The following RBFOX1 variants were observed in gnomAD, a reference collection of about 807,000 sequenced individuals.
The protein encoded by RBFOX1 is RNA binding fox-1 homolog 1, also known as RNA binding protein fox-1 homolog 1.
In RBFOX1, 8 loss-of-function variants were observed where a neutral mutation model predicts 57.7. The observed-to-expected ratio is 0.14, with a 90% CI of 0.08 to 0.25. RBFOX1 has a LOEUF of 0.25. Ranked by LOEUF, RBFOX1 falls within the 10% of genes least tolerant of loss-of-function variation. RBFOX1 has a pLI of 1.00. For missense variants in RBFOX1, 611 were observed against 548.5 expected, an observed-to-expected ratio of 1.11 and a Z score of -1.14; for synonymous variants, 326 against 222.4, an observed-to-expected ratio of 1.47 and a Z score of -4.15.
At chr16:5,989,271 C>T (rs561799870) in intron 4 of RBFOX1, among the ~76,000 whole-genome samples, 2 of 151,904 alleles carry the variant, frequency 1.3e-5, no homozygotes, top group African/African-American at 2.4e-5. Context: ...GCGGAGTTTA[C>T]AGTGAGCCGA....
chr16:7,645,878 T>C (rs1373460338), intron 11 of RBFOX1, among the ~76,000 whole-genome samples: 1 of 152,024 alleles, frequency 6.6e-6, no homozygotes, highest in Non-Finnish European at 1.5e-5. Flanking sequence ...ATTCGACAAA[T>C]TAAGTGGCCG....
intron 3 of RBFOX1, among the ~76,000 whole-genome samples, chr16:5,667,982 G>T (rs548456806): frequency 3.9e-5 from 6 of 152,086 alleles, no homozygotes; most frequent in African/African-American, 1.4e-4. Context: ...GCTTCTTAAT[G>T]AGGCATTTCT....
chr16:7,257,510 T>G (rs1342527600), intron 4 of RBFOX1, among the ~76,000 whole-genome samples: 1 of 152,204 alleles, frequency 6.6e-6, no homozygotes, highest in Non-Finnish European at 1.5e-5. Flanking sequence ...ACCTGCTTAA[T>G]GAGCCGGTAG....
At chr16:7,294,780 G>A (rs1042494602) in intron 4 of RBFOX1, among the ~76,000 whole-genome samples, 3 of 147,908 alleles carry the variant, frequency 2.0e-5, no homozygotes, top group Non-Finnish European at 4.4e-5. Context: ...TGAATATGAT[G>A]ATGATGATGA....
intron 4 of RBFOX1, among the ~76,000 whole-genome samples, chr16:7,454,899 C>T (rs1291300488): frequency 6.6e-6 from 1 of 152,204 alleles, no homozygotes; most frequent in Admixed American, 6.5e-5. Flanking sequence ...TCACAGTTTG[C>T]TCCTCACACT....
chr16:6,486,767 TTTTTG>T (rs1475390262), intron 2 of RBFOX1, among the ~76,000 whole-genome samples: 5 of 152,292 alleles, frequency 3.3e-5, no homozygotes, highest in African/African-American at 9.6e-5. Flanking sequence ...GTTTTTGCTC[TTTTTG>T]TTTTCTTTCA....
At chr16:7,368,016 C>T (rs2097492546) in intron 4 of RBFOX1, among the ~76,000 whole-genome samples, 1 of 152,078 alleles carries the variant, frequency 6.6e-6, no homozygotes, top group African/African-American at 2.4e-5. Context: ...CCTGTAATCC[C>T]AGCATTTTGG....
At chr16:5,432,559 G>GTTTTTTTTTTTTTTTGTTTTTT (rs2067781309) in intron 1 of RBFOX1, among the ~76,000 whole-genome samples, 1 of 94,222 alleles carries the variant, frequency 1.1e-5, no homozygotes, top group Non-Finnish European at 2.0e-5. Context: ...TTGTTTGTTT[G>GTTTTTTTTTTTTTTTGTTTTTT]TTTTTTTTTT....
At position 5,653,654 on chromosome 16, in the gene RBFOX1, GCT is replaced by G. The variant is rs1486820396; in HGVS notation, c.318+54698_318+54699del. ...CTGTTCTGCCGCATGTGCAGCTGCC[GCT>G]CTCTTTGAAATGCTCGGCTTTTGGG... is the stretch of plus-strand genomic sequence containing the variant. On this transcript the variant is annotated intron_variant, in intron 3 of 19. Transcript: ENST00000641259. 3.9e-5 allele frequency among the ~76,000 whole-genome samples: 6 copies of G among 152,172 alleles called. 1 individual carries two copies. Among genetic ancestry groups the G allele is most frequent in the Non-Finnish European group, 7.4e-5 (5 of 68,022 alleles).
Position 6,908,852 on chromosome 16 carries a change from G to T in RBFOX1, c.-15-143205G>T, listed in dbSNP as rs143956735. ...GCCAGCCTCACAAGGCTATTGTGGG[G>T]ACTAAATTAGTTTATATAATAATTT... On this transcript the variant is annotated intron_variant, in intron 3 of 15. Transcript: ENST00000550418. 6.6e-3 allele frequency among the ~76,000 whole-genome samples: 997 copies of T among 152,158 alleles called. 13 individuals are homozygous for T. Among genetic ancestry groups the T allele is most frequent in the African/African-American group, 0.023 (943 of 41,518 alleles).
intron 4 of RBFOX1, among the ~76,000 whole-genome samples, chr16:7,454,315 C>G (rs2058036368): frequency 1.3e-5 from 2 of 152,292 alleles, no homozygotes; most frequent in Non-Finnish European, 2.9e-5. Flanking sequence ...GATCGGTAGA[C>G]AGAATGCTGG....
chr16:7,383,202 A>T (rs2097811662), intron 4 of RBFOX1, among the ~76,000 whole-genome samples: 1 of 151,944 alleles, frequency 6.6e-6, no homozygotes, highest in East Asian at 1.9e-4. Context: ...TTCTCATGGC[A>T]TGCCTGTATC....
At chr16:6,523,275 G>C (rs2096533657) in intron 2 of RBFOX1, among the ~76,000 whole-genome samples, 1 of 152,134 alleles carries the variant, frequency 6.6e-6, no homozygotes, top group South Asian at 2.1e-4. Flanking sequence ...GGAAGAGACA[G>C]AGGGAGGGGG....
At chr16:7,667,096 G>A (rs138137154) in intron 13 of RBFOX1, among the ~76,000 whole-genome samples, 1 of 152,160 alleles carries the variant, frequency 6.6e-6, no homozygotes, top group South Asian at 2.1e-4. Context: ...CAATCAGGTG[G>A]CAGAAAAAGT....
intron 3 of RBFOX1, among the ~76,000 whole-genome samples, chr16:6,655,971 G>A (rs1054428424): frequency 2.6e-5 from 4 of 152,204 alleles, no homozygotes; most frequent in African/African-American, 9.6e-5. Context: ...ACATTGGGAA[G>A]AATAATGATA....
chr16:6,021,071 C>G (rs993151498), intron 1 of RBFOX1, among the ~76,000 whole-genome samples: 1 of 152,146 alleles, frequency 6.6e-6, no homozygotes, highest in Non-Finnish European at 1.5e-5. Context: ...GTCAGGCAGT[C>G]CGGGCAATTG....
intron 3 of RBFOX1, among the ~76,000 whole-genome samples, chr16:5,777,352 G>A (rs1199979958): frequency 1.3e-5 from 2 of 152,062 alleles, no homozygotes; most frequent in Admixed American, 1.3e-4. Flanking sequence ...GATTCCATTG[G>A]CCCACTGGAT....
At chr16:5,327,070 C>T (rs998426720) in intron 1 of RBFOX1, among the ~76,000 whole-genome samples, 1 of 152,146 alleles carries the variant, frequency 6.6e-6, no homozygotes, top group Non-Finnish European at 1.5e-5. Flanking sequence ...TAAAGTAGAA[C>T]AAGGAGATCG....
intron 4 of RBFOX1, among the ~76,000 whole-genome samples, chr16:7,096,574 C>G (rs1025871641): frequency 1.3e-5 from 2 of 152,112 alleles, no homozygotes; most frequent in African/African-American, 2.4e-5. Context: ...ATCCCTGATA[C>G]TCAACATCCA....
Sources: allele counts gnomAD v4.1 joint callset (sites outside exome capture counted in the v4.1 genomes callset), GRCh38; gene constraint gnomAD v4.1.1; transcripts MANE v1.5; gene names NCBI Gene and HGNC (gene_info 2026-07-23, HGNC 2026-07-21).